The following GPC6 variants were observed in gnomAD, a reference collection of about 807,000 sequenced individuals.
The protein encoded by GPC6 is glypican-6.
GPC6 carries 14 observed loss-of-function variants against 55.2 expected under a neutral mutation model. The ratio of observed to expected loss-of-function variants is 0.25; its 90% confidence interval spans 0.17 to 0.40. The LOEUF (loss-of-function observed/expected upper bound fraction) is 0.40. Ranked by LOEUF, GPC6 falls within the 10% of genes least tolerant of loss-of-function variation. GPC6 has a pLI of 1.00. For synonymous variants in GPC6, 278 were observed against 259.6 expected (o/e 1.07, Z -0.68); for missense variants, 641 against 708.5 (o/e 0.90, Z 1.08).
intron 6 of GPC6, among the ~76,000 whole-genome samples, chr13:94,324,852 A>T (rs546569935): frequency 3.3e-5 from 5 of 152,324 alleles, no homozygotes; most frequent in South Asian, 2.1e-4. Flanking sequence ...CGTTTGTGAC[A>T]TGCGTGAGGA....
intron 4 of GPC6, among the ~76,000 whole-genome samples, chr13:94,145,661 G>A (rs535724073): frequency 6.6e-6 from 1 of 152,178 alleles, no homozygotes; most frequent in African/African-American, 2.4e-5. Flanking sequence ...TCAGTAAACT[G>A]TTATGACGTG....
chr13:94,292,091 A>G (rs1875017033), intron 5 of GPC6, among the ~76,000 whole-genome samples: 1 of 152,120 alleles, frequency 6.6e-6, no homozygotes, highest in Non-Finnish European at 1.5e-5. Context: ...CATGGTTTCT[A>G]TTGTGTAATA....
At chr13:93,830,623 A>AC (rs770038924) in intron 3 of GPC6, 78 bp downstream of exon 3, 18 of 1,233,170 alleles carry the variant, frequency 1.5e-5, no homozygotes, top group South Asian at 8.5e-5. Flanking sequence ...AAAAAAAAAA[A>AC]AAAAAAAAAA....
intron 4 of GPC6, among the ~76,000 whole-genome samples, chr13:94,054,543 C>G (rs1015951052): frequency 1.3e-5 from 2 of 152,166 alleles, no homozygotes; most frequent in Non-Finnish European, 2.9e-5. Flanking sequence ...CAAATAATCC[C>G]ACCTTTTGAC....
intron 5 of GPC6, among the ~76,000 whole-genome samples, chr13:94,302,931 G>T (rs1187361451): frequency 2.0e-5 from 3 of 152,228 alleles, no homozygotes; most frequent in African/African-American, 7.2e-5. Flanking sequence ...GCTGAATTAG[G>T]ACAAACCGAG....
intron 2 of GPC6, among the ~76,000 whole-genome samples, chr13:93,805,049 C>G (rs1234253194): frequency 3.3e-5 from 5 of 151,168 alleles, no homozygotes; most frequent in Admixed American, 1.3e-4. Context: ...AAAATTTATT[C>G]TTTCTTTAAC....
intron 4 of GPC6, among the ~76,000 whole-genome samples, chr13:94,238,030 G>T (rs1246597300): frequency 6.6e-6 from 1 of 152,158 alleles, no homozygotes; most frequent in Non-Finnish European, 1.5e-5. Context: ...AGTAGAACTG[G>T]AAGATGGATT....
rs547215402 is a variant in GPC6 at position 93,866,566 on chromosome 13, C to G, written c.711+36021C>G. On this transcript the variant is annotated intron_variant, in intron 3 of 8. Coordinates refer to ENST00000377047, the MANE Select transcript of GPC6 (RefSeq NM_005708.5). ...AAAAAGAACAAGATCATTTCATTTG[C>G]AGGGACATGGATGGAGCTGGAGGCC... Among the ~76,000 whole-genome samples the G allele has an allele frequency of 6.6e-5, 10 of 151,818 alleles. No individual in the cohort carries two copies. In the East Asian group the frequency reaches 2.0e-3, roughly 30 times the overall value.
chr13:94,167,349 T>C (rs567113264), intron 4 of GPC6, among the ~76,000 whole-genome samples: 1 of 152,322 alleles, frequency 6.6e-6, no homozygotes, highest in East Asian at 1.9e-4. Context: ...TCCCTCTGAA[T>C]GAAATTTCTG....
chr13:94,117,870 T>C (rs1886487179), intron 4 of GPC6, among the ~76,000 whole-genome samples: 2 of 152,054 alleles, frequency 1.3e-5, no homozygotes, highest in South Asian at 4.1e-4. Flanking sequence ...GATTTGGAGG[T>C]TATTGGCATA....
chr13:93,952,278 A>G (rs1246795981), intron 3 of GPC6, among the ~76,000 whole-genome samples: 3 of 152,196 alleles, frequency 2.0e-5, no homozygotes, highest in Non-Finnish European at 4.4e-5. Flanking sequence ...CATTTTCAAG[A>G]TGATAATCAA....
At chr13:93,699,728 G>A (rs948326082) in intron 2 of GPC6, among the ~76,000 whole-genome samples, 1 of 152,010 alleles carries the variant, frequency 6.6e-6, no homozygotes, top group African/African-American at 2.4e-5. Context: ...CTATGGAGAA[G>A]TCCTGATTCT....
intron 1 of GPC6, among the ~76,000 whole-genome samples, chr13:93,511,609 A>T (rs1199724211): frequency 6.6e-6 from 1 of 151,898 alleles, no homozygotes; most frequent in Non-Finnish European, 1.5e-5. Flanking sequence ...GATGTAATGG[A>T]ATACTTCCAG....
chr13:93,293,611 G>A (rs1878387413), intron 1 of GPC6, among the ~76,000 whole-genome samples: 4 of 152,186 alleles, frequency 2.6e-5, no homozygotes, highest in Non-Finnish European at 5.9e-5. Flanking sequence ...CTGGATGGGT[G>A]ATTTATATAA....
At chr13:93,535,272 T>C in intron 1 of GPC6, among the ~76,000 whole-genome samples, 1 of 152,176 alleles carries the variant, frequency 6.6e-6, no homozygotes, top group East Asian at 1.9e-4. Context: ...AGTTATAACT[T>C]TGGAATAATT....
At chr13:94,110,598 G>A (rs1434544823) in intron 4 of GPC6, among the ~76,000 whole-genome samples, 1 of 152,094 alleles carries the variant, frequency 6.6e-6, no homozygotes, top group Non-Finnish European at 1.5e-5. Context: ...TGAGGTGTAT[G>A]TGGCTATGTT....
At chr13:93,786,518 C>T (rs1427388603) in intron 2 of GPC6, among the ~76,000 whole-genome samples, 1 of 151,152 alleles carries the variant, frequency 6.6e-6, no homozygotes, top group Non-Finnish European at 1.5e-5. Flanking sequence ...ATGAAATGAC[C>T]TAAGCTATTA....
intron 5 of GPC6, among the ~76,000 whole-genome samples, chr13:94,297,696 A>T (rs1344427141): frequency 6.6e-6 from 1 of 152,218 alleles, no homozygotes; most frequent in African/African-American, 2.4e-5. Context: ...AATTTTTTAA[A>T]CCTTAAAACT....
intron 1 of GPC6, among the ~76,000 whole-genome samples, chr13:93,416,443 G>C (rs954996935): frequency 6.6e-6 from 1 of 151,854 alleles, no homozygotes; most frequent in East Asian, 1.9e-4. Flanking sequence ...TATATTTATG[G>C]GGTATATGAG....
Sources: allele counts gnomAD v4.1 joint callset (sites outside exome capture counted in the v4.1 genomes callset), GRCh38; gene constraint gnomAD v4.1.1; transcripts MANE v1.5; gene names NCBI Gene and HGNC (gene_info 2026-07-23, HGNC 2026-07-21).